FMNL2: variants seen among roughly 807,000 people sequenced by gnomAD.
FMNL2 encodes the protein formin-like protein 2.
In FMNL2, 51 loss-of-function variants were observed where a neutral mutation model predicts 130.2. The ratio of observed to expected loss-of-function variants is 0.39; its 90% CI spans 0.31 to 0.49. FMNL2 has a LOEUF of 0.49. Ranked by LOEUF, FMNL2 falls within the 20% of genes least tolerant of loss-of-function variation. The probability of loss-of-function intolerance (pLI) is 0.85; values close to 1 mark genes in which losing one functional copy is unlikely to be tolerated. For missense variants in FMNL2, 977 were observed against 1,316.2 expected (o/e 0.74, Z 3.99); for synonymous variants, 465 against 467.1 (o/e 1.00, Z 0.06).
chr2:152,535,183 T>G (rs1693930636), intron 2 of FMNL2, among the ~76,000 whole-genome samples: 1 of 152,216 alleles, frequency 6.6e-6, no homozygotes, highest in Non-Finnish European at 1.5e-5. Context: ...AGATCCTTTG[T>G]GCAATTTTCA....
At chr2:152,574,366 G>A (rs994580939) in intron 6 of FMNL2, among the ~76,000 whole-genome samples, 1 of 151,504 alleles carries the variant, frequency 6.6e-6, no homozygotes, top group African/African-American at 2.4e-5. Flanking sequence ...AACCTGGGAG[G>A]TGGAGGTTGC....
intron 4 of FMNL2, among the ~76,000 whole-genome samples, chr2:152,551,143 GAAA>G (rs5835434): frequency 2.5e-5 from 3 of 121,296 alleles, no homozygotes; most frequent in South Asian, 2.8e-4. Flanking sequence ...CCATCTCACC[GAAA>G]AAAAAAAAAA....
intron 1 of FMNL2, among the ~76,000 whole-genome samples, chr2:152,351,344 C>T (rs1312779697): frequency 1.3e-5 from 2 of 152,120 alleles, no homozygotes; most frequent in Non-Finnish European, 2.9e-5. Flanking sequence ...TAATGCTCTC[C>T]CTCCCCTTTC....
intron 1 of FMNL2, among the ~76,000 whole-genome samples, chr2:152,443,251 A>G (rs533255063): frequency 6.6e-6 from 1 of 152,108 alleles, no homozygotes; most frequent in East Asian, 1.9e-4. Context: ...AGGAAGCAGG[A>G]TAGTGATGTG....
In FMNL2 at chr2:152,361,992, G is replaced by GA. The variant is rs140731692; in HGVS notation, c.117+26276dup. Among the ~76,000 whole-genome samples the GA allele has an allele frequency of 9.0e-3, 1,374 of 152,180 alleles. 25 individuals carry two copies. Among genetic ancestry groups the GA allele is most frequent in the African/African-American group, 0.031 (1,303 of 41,506 alleles). On this transcript the variant is annotated intron_variant, in intron 1 of 25. Coordinates refer to ENST00000288670, the MANE Select transcript of FMNL2 (RefSeq NM_052905.4). ...AATATATTCTCATTGTAGAATATTA[G>GA]AAAACAATTAGGAATGGAAGACAAG... is the stretch of plus-strand genomic sequence containing the variant.
At chr2:152,402,315 G>T (rs1466000041) in intron 1 of FMNL2, among the ~76,000 whole-genome samples, 2 of 152,146 alleles carry the variant, frequency 1.3e-5, no homozygotes, top group Admixed American at 6.5e-5. Context: ...GAGTGGAGGG[G>T]AACCTGCATG....
chr2:152,346,410 C>T (rs1036787245), intron 1 of FMNL2, among the ~76,000 whole-genome samples: 2 of 152,076 alleles, frequency 1.3e-5, no homozygotes, highest in Non-Finnish European at 2.9e-5. Flanking sequence ...CTTTGGGAGG[C>T]TGAGGTGGGA....
chr2:152,637,486 GC>G, intron 22 of FMNL2, 86 bp from the exon 23 acceptor site: 1 of 1,020,144 alleles, frequency 9.8e-7, no homozygotes, highest in Non-Finnish European at 1.5e-6. Context: ...CTGTCTTGTG[GC>G]TGCTGCTTTG....
At chr2:152,465,038 C>T (rs556504134) in intron 1 of FMNL2, among the ~76,000 whole-genome samples, 46 of 152,330 alleles carry the variant, frequency 3.0e-4, no homozygotes, top group African/African-American at 9.9e-4. Flanking sequence ...GGAACTCAGC[C>T]ATGACTTGTA....
At position 152,589,960 on chromosome 2, in the gene FMNL2, T is replaced by TA. The variant is rs1697304306; in HGVS notation, c.876+8912dup. Among the ~76,000 whole-genome samples, 9 of 46,700 alleles carry TA rather than the reference T, an allele frequency of 1.9e-4. 1 individual carries two copies. The highest frequency in any genetic ancestry group is 1.2e-3 in the Admixed American group (7 of 5,618). The allele number at this position is 46,700 out of a possible 152,430, so 30.6% of individuals were successfully genotyped here. On this transcript the variant is annotated intron_variant, in intron 9 of 25. Coordinates refer to ENST00000288670, the MANE Select transcript of FMNL2 (RefSeq NM_052905.4). ...TTATACATATATATATATATATATATATATATATATATATATATATATATG... is the reference window on the plus strand; with the variant it reads ...TTATACATATATATATATATATATATAATATATATATATATATATATATATG...
At chr2:152,470,025 G>C (rs891470289) in intron 1 of FMNL2, among the ~76,000 whole-genome samples, 1 of 152,156 alleles carries the variant, frequency 6.6e-6, no homozygotes, top group Non-Finnish European at 1.5e-5. Context: ...TCTCCTTTAA[G>C]TGTTTGTTGG....
chr2:152,526,885 A>C (rs1167577890), intron 2 of FMNL2, among the ~76,000 whole-genome samples: 1 of 152,088 alleles, frequency 6.6e-6, no homozygotes, highest in Non-Finnish European at 1.5e-5. Context: ...AAATAAGGTC[A>C]TCACAATTAA....
intron 1 of FMNL2, among the ~76,000 whole-genome samples, chr2:152,371,117 C>G (rs994596351): frequency 2.0e-5 from 3 of 152,200 alleles, no homozygotes; most frequent in Admixed American, 2.0e-4. Context: ...ATCTGAGAGA[C>G]AGCAAGATGG....
At chr2:152,484,334 G>A (rs10191361) in intron 1 of FMNL2, among the ~76,000 whole-genome samples, 88,686 of 152,080 alleles carry the variant, frequency 0.58, 28,639 homozygotes, top group East Asian at 0.97. Flanking sequence ...TCAATGAACA[G>A]GACTAGTTTA....
At chr2:152,487,343 C>G (rs1690888285) in intron 1 of FMNL2, among the ~76,000 whole-genome samples, 1 of 152,112 alleles carries the variant, frequency 6.6e-6, no homozygotes, top group Non-Finnish European at 1.5e-5. Flanking sequence ...AACAAAAACT[C>G]AGAAATTTTT....
chr2:152,616,277 T>G (rs1489088995), intron 12 of FMNL2, among the ~76,000 whole-genome samples: 1 of 151,942 alleles, frequency 6.6e-6, no homozygotes, highest in Non-Finnish European at 1.5e-5. Flanking sequence ...CAGCAATCTA[T>G]TTGAATGGCC....
intron 9 of FMNL2, among the ~76,000 whole-genome samples, chr2:152,604,989 G>A (rs1412195358): frequency 6.9e-6 from 1 of 145,766 alleles, no homozygotes; most frequent in East Asian, 2.3e-4. Context: ...CCTTTTTGCA[G>A]GCAAGAGATG....
intron 1 of FMNL2, among the ~76,000 whole-genome samples, chr2:152,429,771 C>G (rs918711638): frequency 6.6e-6 from 1 of 152,054 alleles, no homozygotes; most frequent in South Asian, 2.1e-4. Flanking sequence ...GATCTAAGAC[C>G]TGCTTTTGTG....
chr2:152,589,942 T>C (rs989822813), intron 9 of FMNL2, among the ~76,000 whole-genome samples: 5 of 9,548 alleles, frequency 5.2e-4, no homozygotes, highest in Non-Finnish European at 8.2e-4. Flanking sequence ...GCTTTATACA[T>C]ATATATATAT....
Sources: allele counts gnomAD v4.1 joint callset (sites outside exome capture counted in the v4.1 genomes callset), GRCh38; gene constraint gnomAD v4.1.1; transcripts MANE v1.5; gene names NCBI Gene and HGNC (gene_info 2026-07-23, HGNC 2026-07-21).